TSPEAR: variants seen among roughly 807,000 people sequenced by gnomAD.
The protein encoded by TSPEAR is thrombospondin type laminin G domain and EAR repeats.
In TSPEAR, 69 loss-of-function variants were observed where a neutral mutation model predicts 71.6. The ratio of observed to expected loss-of-function variants is 0.96; its 90% CI spans 0.79 to 1.18. The LOEUF (loss-of-function observed/expected upper bound fraction) is 1.18. Ranked by LOEUF, TSPEAR falls within the 50% of genes most tolerant of loss-of-function variation. The pLI is 0.00. For synonymous variants in TSPEAR, 402 were observed against 387.2 expected, an observed-to-expected ratio of 1.04 and a Z score of -0.45; for missense variants, 971 against 894.9, an observed-to-expected ratio of 1.09 and a Z score of -1.09.
chr21:44,601,772 C>T (rs1555928919), intron 1 of TSPEAR: 1 of 1,581,028 alleles, frequency 6.3e-7, no homozygotes, highest in South Asian at 1.2e-5. Context: ...TGAGTGCTCA[C>T]TGCCACCTGC....
intron 1 of TSPEAR, among the ~76,000 whole-genome samples, chr21:44,625,098 T>C (rs587703310): frequency 6.6e-6 from 1 of 152,342 alleles, no homozygotes; most frequent in East Asian, 1.9e-4. Context: ...TACTCTTCGA[T>C]AATTTCTCCA....
intron 2 of TSPEAR, chr21:44,550,667 G>C (rs143732154): frequency 6.2e-7 from 1 of 1,610,060 alleles, no homozygotes; most frequent in African/African-American, 1.3e-5. Context: ...GCCTGAGCCC[G>C]GCTGGCCCTG....
At chr21:44,660,205 T>G (rs1985413934) in intron 1 of TSPEAR, among the ~76,000 whole-genome samples, 1 of 152,128 alleles carries the variant, frequency 6.6e-6, no homozygotes, top group Non-Finnish European at 1.5e-5. Flanking sequence ...AGAAGAAATA[T>G]TTAAAGAGGT....
At position 44,504,815 on chromosome 21, in the gene TSPEAR, A is replaced by G; in HGVS notation, c.1821T>C (p.Asp607=). 3 of 1,613,936 alleles carry G rather than the reference A, an allele frequency of 1.9e-6. No individual in the cohort carries two copies. The highest frequency in any genetic ancestry group is 2.5e-6 in the Non-Finnish European group (3 of 1,179,918). ...DYFLVVANSF[D]GRTFSVNSII... is the part of the protein sequence containing the mutation. ...TACTGTTCACCGAGAAGGTACGCCC[A>G]TCGAAGGAGTTGGCCACCACCAGGA... is the stretch of plus-strand genomic sequence containing the variant. The change falls in exon 11 of 12, where the codon GAT becomes GAC. Residue 607 remains aspartate (D), a synonymous_variant. Transcript: ENST00000323084.
At chr21:44,639,418 A>T (rs782201018) in intron 1 of TSPEAR, among the ~76,000 whole-genome samples, 5 of 152,126 alleles carry the variant, frequency 3.3e-5, no homozygotes, top group Non-Finnish European at 7.4e-5. Context: ...GTCCCACCCC[A>T]CAGAGCTCCC....
intron 1 of TSPEAR, among the ~76,000 whole-genome samples, chr21:44,584,254 A>G (rs1555925469): frequency 6.6e-6 from 1 of 152,120 alleles, no homozygotes; most frequent in African/African-American, 2.4e-5. Flanking sequence ...TGTTGCCACT[A>G]ATGACAGGAT....
intron 2 of TSPEAR, among the ~76,000 whole-genome samples, chr21:44,565,201 C>T (rs1225474132): frequency 6.6e-6 from 1 of 151,970 alleles, no homozygotes; most frequent in African/African-American, 2.4e-5. Context: ...AAATCAATAA[C>T]CTAACCTACT....
intron 1 of TSPEAR, chr21:44,654,485 G>T: frequency 1.2e-6 from 2 of 1,613,948 alleles, no homozygotes; most frequent in South Asian, 2.2e-5. Flanking sequence ...CGGCACAGCA[G>T]AGCCACACAG....
intron 1 of TSPEAR, among the ~76,000 whole-genome samples, chr21:44,689,734 T>TATATATATATATATATATATATATAA (rs1200945937): frequency 4.9e-5 from 6 of 123,536 alleles, no homozygotes; most frequent in Non-Finnish European, 9.9e-5. Context: ...TATATATATA[T>TATATATATATATATATATATATATAA]ATATATTTTG....
intron 1 of TSPEAR, chr21:44,702,549 C>T: frequency 1.9e-6 from 3 of 1,610,064 alleles, no homozygotes; most frequent in Non-Finnish European, 2.5e-6. Flanking sequence ...CCTCCCTGTG[C>T]TGCCAGCAGT....
intron 1 of TSPEAR, among the ~76,000 whole-genome samples, chr21:44,588,840 G>C (rs2146116404): frequency 6.6e-6 from 1 of 151,294 alleles, no homozygotes; most frequent in Non-Finnish European, 1.5e-5. Flanking sequence ...ATGAATTAAT[G>C]GCATTCACAG....
At chr21:44,654,994 C>A (rs1237997651) in intron 1 of TSPEAR, among the ~76,000 whole-genome samples, 6 of 152,148 alleles carry the variant, frequency 3.9e-5, no homozygotes, top group Admixed American at 6.5e-5. Context: ...ACACCAGGGG[C>A]CCCGTTTTGA....
At chr21:44,665,067 G>A (rs1304402391) in intron 1 of TSPEAR, among the ~76,000 whole-genome samples, 2 of 152,212 alleles carry the variant, frequency 1.3e-5, no homozygotes, top group African/African-American at 4.8e-5. Context: ...CACACATTGG[G>A]TGTGTTCATG....
At chr21:44,690,680 C>A in intron 1 of TSPEAR, 1 of 760,516 alleles carries the variant, frequency 1.3e-6, no homozygotes, top group East Asian at 1.3e-4. Flanking sequence ...AAATTATTAA[C>A]CATAAAACTA....
chr21:44,612,421 T>C lies in TSPEAR; in HGVS notation c.83-44416A>G. On this transcript the variant is annotated intron_variant, in intron 1 of 11. Transcript: ENST00000323084. This position sits in a 1 kb window ranked among gnomAD's most constrained non-coding sequence, Gnocchi z 4.1. ...GCCAGCAGTCTAGCTGCCAGCCGGCTTGCTGCACCTCCTCCCCCTGCCAAC... is the reference window on the plus strand; with the variant it reads ...GCCAGCAGTCTAGCTGCCAGCCGGCCTGCTGCACCTCCTCCCCCTGCCAAC... The C allele has an allele frequency of 6.2e-7, 1 of 1,614,076 alleles. No homozygotes were observed. Among genetic ancestry groups the C allele is most frequent in the African/African-American group, 1.3e-5 (1 of 75,026 alleles).
rs1333995660 is a variant in TSPEAR, at chr21:44,710,781, T to C, written c.82+652A>G. On this transcript the variant is annotated intron_variant, in intron 1 of 11. Coordinates refer to ENST00000323084, the MANE Select transcript of TSPEAR (RefSeq NM_144991.3). The surrounding 1 kb of genome is among the most constrained non-coding windows in gnomAD (Gnocchi z 4.6). The stretch of plus-strand genomic sequence containing the variant: ...GAAACTCTAGAAAAGTATTAGCGTG[T>C]CATGGTCATGAGCAAGCCAAACAGC... Among the ~76,000 whole-genome samples the C allele has an allele frequency of 6.6e-6, 1 of 152,184 alleles. No individual in the cohort carries two copies. The highest frequency in any genetic ancestry group is 1.9e-4 in the East Asian group (1 of 5,198).
At chr21:44,563,321 A>G (rs2053663027) in intron 2 of TSPEAR, among the ~76,000 whole-genome samples, 1 of 152,182 alleles carries the variant, frequency 6.6e-6, no homozygotes, top group African/African-American at 2.4e-5. Context: ...TAGATGTAAT[A>G]TATATAACAA....
At chr21:44,626,117 G>A (rs1034522482) in intron 1 of TSPEAR, among the ~76,000 whole-genome samples, 4 of 152,182 alleles carry the variant, frequency 2.6e-5, no homozygotes. Context: ...ACTCAACATC[G>A]TGTAATACGT....
chr21:44,529,465 G>C (rs587775901), intron 5 of TSPEAR, among the ~76,000 whole-genome samples: 1 of 152,316 alleles, frequency 6.6e-6, no homozygotes, highest in East Asian at 1.9e-4. Flanking sequence ...GGCAAAAGGG[G>C]ATGAGGGATG....
Sources: allele counts gnomAD v4.1 joint callset (sites outside exome capture counted in the v4.1 genomes callset), GRCh38; gene constraint gnomAD v4.1.1; non-coding constraint Gnocchi (gnomAD v3.1); transcripts MANE v1.5; gene names NCBI Gene and HGNC (gene_info 2026-07-23, HGNC 2026-07-21).